The following ANXA8 variants were observed in gnomAD, a reference collection of about 807,000 sequenced individuals.
ANXA8 encodes the protein VAC-beta.
A neutral mutation model predicts 26.8 loss-of-function variants in ANXA8; 9 were observed. The ratio of observed to expected loss-of-function variants is 0.34; its 90% CI spans 0.20 to 0.59. The LOEUF is 0.59. ANXA8 is among the 20% of genes least tolerant of loss of function. The probability of loss-of-function intolerance (pLI) is 0.84; values close to 1 mark genes in which losing one functional copy is unlikely to be tolerated. For synonymous variants in ANXA8, 39 were observed against 94.8 expected (o/e 0.41, Z 3.42); for missense variants, 83 against 238.5 (o/e 0.35, Z 4.29).
the ANXA8 span, among the ~76,000 whole-genome samples, chr10:47,918,370 AGAGAG>A: frequency 0.02 from 406 of 20,180 alleles, 6 homozygotes; most frequent in African/African-American, 0.067. Context: ...AGAGAGAGAG[AGAGAG>A]AGAGAGAGAG....
At chr10:47,553,945 ACGAGGGAGATCTCG>A in the ANXA8 span, among the ~76,000 whole-genome samples, 1 of 149,046 alleles carries the variant, frequency 6.7e-6, no homozygotes. Context: ...AAGATGACAG[ACGAGGGAGATCTCG>A]CGTTCTGGGG....
chr10:47,589,903 T>TGATTA, the ANXA8 span, among the ~76,000 whole-genome samples: 7 of 125,664 alleles, frequency 5.6e-5, no homozygotes, highest in African/African-American at 2.8e-4. Context: ...GATAGATAGA[T>TGATTA]GATAGATAGA....
the ANXA8 span, among the ~76,000 whole-genome samples, chr10:47,669,557 A>G: frequency 6.6e-5 from 10 of 151,770 alleles, 1 homozygote; most frequent in Admixed American, 2.0e-4. Context: ...CGTCTCTACT[A>G]TAGAAAAATT....
chr10:47,680,602 T>A, the ANXA8 span, among the ~76,000 whole-genome samples: 1 of 150,758 alleles, frequency 6.6e-6, no homozygotes, highest in Non-Finnish European at 1.5e-5. Flanking sequence ...GCCATCGCAC[T>A]CCAGCCTGGG....
At chr10:47,696,413 T>A in the ANXA8 span, 84 of 1,278,762 alleles carry the variant, frequency 6.6e-5, 5 homozygotes, top group South Asian at 1.0e-3. Context: ...ATGTTGTTAT[T>A]CATGAGGACC....
At chr10:47,664,701 T>C in the ANXA8 span, among the ~76,000 whole-genome samples, 63 of 150,322 alleles carry the variant, frequency 4.2e-4, no homozygotes, top group Non-Finnish European at 6.7e-4. Flanking sequence ...GGTAGCTGCA[T>C]TCGAGCCAGA....
the ANXA8 span, among the ~76,000 whole-genome samples, chr10:47,951,628 G>T: frequency 6.6e-6 from 1 of 150,420 alleles, no homozygotes; most frequent in African/African-American, 2.5e-5. Context: ...TGGGCAACAT[G>T]GTGAAACCCC....
At chr10:47,948,612 G>C in the ANXA8 span, among the ~76,000 whole-genome samples, 1 of 149,016 alleles carries the variant, frequency 6.7e-6, no homozygotes, top group African/African-American at 2.5e-5. Flanking sequence ...GTAACCTGTG[G>C]GAAAATATTC....
chr10:47,581,838 T>C, the ANXA8 span, among the ~76,000 whole-genome samples: 2 of 150,722 alleles, frequency 1.3e-5, no homozygotes, highest in Non-Finnish European at 2.9e-5. Context: ...ATCTCCTGAC[T>C]TTGTGATCCG....
the ANXA8 span, among the ~76,000 whole-genome samples, chr10:47,515,917 T>A: frequency 2.0e-4 from 23 of 115,560 alleles, 1 homozygote; most frequent in Admixed American, 2.1e-3. Flanking sequence ...CACCACACAT[T>A]GGAGGGAAGC....
chr10:47,571,532 G>A, the ANXA8 span, among the ~76,000 whole-genome samples: 1 of 149,610 alleles, frequency 6.7e-6, no homozygotes, highest in East Asian at 1.9e-4. Flanking sequence ...CCTATCACAT[G>A]TGTGTTTAGC....
chr10:47,503,937 C>CAAAAAA, the ANXA8 span, among the ~76,000 whole-genome samples: 5 of 23,438 alleles, frequency 2.1e-4, no homozygotes, highest in East Asian at 4.1e-3. Context: ...GAGAGTCCAT[C>CAAAAAA]AAAAAAAAAA....
At chr10:47,580,721 G>A in the ANXA8 span, among the ~76,000 whole-genome samples, 16 of 148,202 alleles carry the variant, frequency 1.1e-4, no homozygotes, top group Non-Finnish European at 1.9e-4. Flanking sequence ...CCAGCCTGCA[G>A]GACAGAGCAG....
intron 1 of ANXA8, among the ~76,000 whole-genome samples, chr10:47,483,003 G>A (rs1297277329): frequency 6.8e-6 from 1 of 146,524 alleles, no homozygotes; most frequent in Non-Finnish European, 1.5e-5. Context: ...CTGACATCCT[G>A]AGGCTGCCTG....
chr10:47,621,358 A>C, the ANXA8 span, among the ~76,000 whole-genome samples: 1 of 111,654 alleles, frequency 9.0e-6, no homozygotes, highest in Non-Finnish European at 2.0e-5. Flanking sequence ...CATGTACCTC[A>C]CACAAATGTA....
the ANXA8 span, among the ~76,000 whole-genome samples, chr10:47,979,193 G>A: frequency 6.6e-6 from 1 of 151,438 alleles, no homozygotes; most frequent in Admixed American, 6.6e-5. Flanking sequence ...ACTGAAGTGA[G>A]AAATAGAAAA....
chr10:47,489,365 T>G, the ANXA8 span, among the ~76,000 whole-genome samples: 1 of 150,556 alleles, frequency 6.6e-6, no homozygotes, highest in African/African-American at 2.4e-5. Flanking sequence ...CTTGTGTGAC[T>G]TTGTCTTCTT....
chr10:47,660,667 C>T, the ANXA8 span, among the ~76,000 whole-genome samples: 2 of 151,732 alleles, frequency 1.3e-5, no homozygotes, highest in Non-Finnish European at 1.5e-5. Context: ...TCCCAAAGTT[C>T]TGGGATTACA....
At chr10:47,497,630 AAC>A in the ANXA8 span, among the ~76,000 whole-genome samples, 7,683 of 124,254 alleles carry the variant, frequency 0.062, 362 homozygotes, top group East Asian at 0.28. Flanking sequence ...AAAAAAAAAA[AAC>A]AACAACAAAA....
Sources: allele counts gnomAD v4.1 joint callset (sites outside exome capture counted in the v4.1 genomes callset), GRCh38; gene constraint gnomAD v4.1.1; transcripts MANE v1.5; gene names NCBI Gene and HGNC (gene_info 2026-07-23, HGNC 2026-07-21).